The following ASAP1 variants were observed in gnomAD, a reference collection of about 807,000 sequenced individuals.
The protein encoded by ASAP1 is arf-GAP with SH3 domain, ANK repeat and PH domain-containing protein 1.
A neutral mutation model predicts 145.2 loss-of-function variants in ASAP1; 43 were observed. The observed-to-expected ratio is 0.30, with a 90% CI of 0.23 to 0.38. The LOEUF (loss-of-function observed/expected upper bound fraction) is 0.38, where lower values mean the gene tolerates loss of function less well. Among genes scored for constraint, ASAP1 ranks in the 10% least tolerant of loss-of-function variants. The probability of loss-of-function intolerance (pLI) is 1.00; values close to 1 mark genes in which losing one functional copy is unlikely to be tolerated. For synonymous variants in ASAP1, 546 were observed against 515.5 expected (o/e 1.06, Z -0.80); for missense variants, 1,018 against 1,355.3 (o/e 0.75, Z 3.91).
intron 2 of ASAP1, among the ~76,000 whole-genome samples, chr8:130,380,198 C>T (rs772806307): frequency 4.6e-5 from 7 of 152,134 alleles, no homozygotes; most frequent in African/African-American, 1.2e-4. Flanking sequence ...AATAAAACAG[C>T]GGCAGAAAGG....
chr8:130,275,574 C>T (rs1820830926), intron 3 of ASAP1, among the ~76,000 whole-genome samples: 1 of 151,962 alleles, frequency 6.6e-6, no homozygotes, highest in Non-Finnish European at 1.5e-5. Context: ...TTAAAGGGGC[C>T]TTATCAACTT....
rs1826523951 is a variant in ASAP1 at position 130,358,711 on chromosome 8, CCTCCCCGCCCG to C, written c.60-579_60-569del. Among the ~76,000 whole-genome samples, 1 of 132,032 alleles carries C rather than the reference CCTCCCCGCCCG, an allele frequency of 7.6e-6. No homozygotes were observed. Among genetic ancestry groups the C allele is most frequent in the Admixed American group, 7.2e-5 (1 of 13,804 alleles). The allele number at this position is 132,032 out of a possible 152,430, so 86.6% of individuals were successfully genotyped here. ...CGCCCCCAGCCCCGCCCCCCCGGTCCCTCCCCGCCCGCGCCCCGCCCCCGGCCCGGCCCCCG... is the reference window on the plus strand; with the variant it reads ...CGCCCCCAGCCCCGCCCCCCCGGTCCCGCCCCGCCCCCGGCCCGGCCCCCG... On this transcript the variant is annotated intron_variant, in intron 2 of 29. Coordinates refer to ENST00000518721, the MANE Select transcript of ASAP1 (RefSeq NM_018482.4). This position sits in a 1 kb window ranked among gnomAD's most constrained non-coding sequence, Gnocchi z 4.1.
intron 3 of ASAP1, among the ~76,000 whole-genome samples, chr8:130,311,955 T>C (rs144758299): frequency 1.3e-5 from 2 of 152,166 alleles, no homozygotes; most frequent in East Asian, 3.9e-4. Flanking sequence ...TCCTTCTAAA[T>C]GAGAAGATCC....
intron 1 of ASAP1, among the ~76,000 whole-genome samples, chr8:130,416,359 G>T (rs889403267): frequency 6.6e-6 from 1 of 152,196 alleles, no homozygotes; most frequent in African/African-American, 2.4e-5. Flanking sequence ...ACAGTGCCTG[G>T]CCTAGTAAAT....
At chr8:130,237,322 A>G (rs768754660) in intron 3 of ASAP1, among the ~76,000 whole-genome samples, 1 of 152,104 alleles carries the variant, frequency 6.6e-6, no homozygotes, top group Non-Finnish European at 1.5e-5. Flanking sequence ...TGCATTTACA[A>G]TCTGGTAAGG....
chr8:130,116,771 CA>C (rs1185190722), intron 21 of ASAP1, 26 bp from the exon 22 acceptor site: 3 of 1,609,106 alleles, frequency 1.9e-6, no homozygotes, highest in Non-Finnish European at 2.6e-6. Flanking sequence ...AATTAATTTG[CA>C]TAATTATCTA....
chr8:130,150,835 G>A (rs1225851824), intron 13 of ASAP1, among the ~76,000 whole-genome samples: 1 of 152,114 alleles, frequency 6.6e-6, no homozygotes, highest in African/African-American at 2.4e-5. Context: ...AGCCGAGATC[G>A]TGCTACTGCA....
intron 2 of ASAP1, among the ~76,000 whole-genome samples, chr8:130,371,360 CTG>C (rs1565257218): frequency 6.6e-6 from 1 of 152,222 alleles, no homozygotes; most frequent in Non-Finnish European, 1.5e-5. Context: ...ACCGCACTCT[CTG>C]TACAAATGGT....
chr8:130,390,137 G>C (rs1464060547), intron 2 of ASAP1, among the ~76,000 whole-genome samples: 1 of 152,176 alleles, frequency 6.6e-6, no homozygotes, highest in Non-Finnish European at 1.5e-5. Flanking sequence ...TCAAGCATGA[G>C]AACCAGGAAA....
intron 3 of ASAP1, among the ~76,000 whole-genome samples, chr8:130,276,018 C>A (rs776952334): frequency 6.6e-6 from 1 of 152,120 alleles, no homozygotes; most frequent in Admixed American, 6.6e-5. Flanking sequence ...AAGGAAAGAA[C>A]CAAGTTTCAA....
chr8:130,216,720 G>A (rs544682680), intron 4 of ASAP1, among the ~76,000 whole-genome samples: 1 of 152,114 alleles, frequency 6.6e-6, no homozygotes, highest in East Asian at 1.9e-4. Flanking sequence ...GATATCCCCA[G>A]CCCAGAAAAA....
intron 13 of ASAP1, among the ~76,000 whole-genome samples, chr8:130,144,854 C>A (rs1213802768): frequency 6.6e-6 from 1 of 152,152 alleles, no homozygotes; most frequent in Non-Finnish European, 1.5e-5. Context: ...TAAAGGGACT[C>A]ATTTCCAGTT....
chr8:130,206,096 T>C (rs1816203609), intron 5 of ASAP1, among the ~76,000 whole-genome samples: 1 of 152,148 alleles, frequency 6.6e-6, no homozygotes, highest in African/African-American at 2.4e-5. Flanking sequence ...AAATAAACCT[T>C]TCCCTCTTAC....
intron 1 of ASAP1, among the ~76,000 whole-genome samples, chr8:130,417,651 G>C (rs1024435454): frequency 2.6e-5 from 4 of 152,102 alleles, no homozygotes; most frequent in Non-Finnish European, 4.4e-5. Context: ...GCAAATGCAT[G>C]GGCTGACAAA....
chr8:130,203,992 A>T (rs1412229916), intron 5 of ASAP1, among the ~76,000 whole-genome samples: 1 of 152,184 alleles, frequency 6.6e-6, no homozygotes, highest in Admixed American at 6.5e-5. Context: ...GGATGTCCAT[A>T]TCTTTTGCGA....
intron 24 of ASAP1, among the ~76,000 whole-genome samples, chr8:130,104,939 T>G (rs1406797714): frequency 1.3e-5 from 2 of 152,216 alleles, no homozygotes; most frequent in Non-Finnish European, 2.9e-5. Context: ...AAACATAATT[T>G]ACACATTCTA....
At chr8:130,423,507 T>C (rs151010561) in intron 1 of ASAP1, among the ~76,000 whole-genome samples, 20 of 152,288 alleles carry the variant, frequency 1.3e-4, no homozygotes, top group African/African-American at 3.6e-4. Flanking sequence ...TGGACAAGTA[T>C]GTACATGCAA....
chr8:130,127,546 A>G (rs753247504), intron 16 of ASAP1, among the ~76,000 whole-genome samples: 5 of 152,226 alleles, frequency 3.3e-5, no homozygotes, highest in African/African-American at 4.8e-5. Flanking sequence ...TTTTTAGGAT[A>G]AGTAAACTAC....
At chr8:130,308,165 A>T (rs570793330) in intron 3 of ASAP1, among the ~76,000 whole-genome samples, 1 of 152,374 alleles carries the variant, frequency 6.6e-6, no homozygotes, top group East Asian at 1.9e-4. Flanking sequence ...TTATGACTTC[A>T]AAAGTCTACT....
Sources: allele counts gnomAD v4.1 joint callset (sites outside exome capture counted in the v4.1 genomes callset), GRCh38; gene constraint gnomAD v4.1.1; non-coding constraint Gnocchi (gnomAD v3.1); transcripts MANE v1.5; gene names NCBI Gene and HGNC (gene_info 2026-07-23, HGNC 2026-07-21).